The following IFFO1 variants were observed in gnomAD, a reference collection of about 807,000 sequenced individuals.
IFFO1 encodes the protein non-homologous end joining factor IFFO1.
In IFFO1, 42 loss-of-function variants were observed where a neutral mutation model predicts 59.6. The ratio of observed to expected loss-of-function variants is 0.70; its 90% CI spans 0.55 to 0.91. The LOEUF (loss-of-function observed/expected upper bound fraction) is 0.91. Ranked by LOEUF, IFFO1 falls within the 40% of genes least tolerant of loss-of-function variation. The probability of loss-of-function intolerance (pLI) is 0.00; values close to 1 mark genes in which losing one functional copy is unlikely to be tolerated. For synonymous variants in IFFO1, 336 were observed against 342.8 expected, an observed-to-expected ratio of 0.98 and a Z score of 0.22; for missense variants, 711 against 793.2, an observed-to-expected ratio of 0.90 and a Z score of 1.24.
Position 6,549,695 on chromosome 12 carries a change from G to A in IFFO1, c.1071+61C>T, listed in dbSNP as rs991592036. On this transcript the variant is annotated intron_variant, in intron 4 of 9. Transcript: ENST00000619571. The surrounding 1 kb of genome is among the most constrained non-coding windows in gnomAD (Gnocchi z 5.0). ...GCAGGGCCTGCGTTCCAGGCCAGCC[G>A]CCACGGAAGCATCCACCTGCCCCAC... 3.4e-5 allele frequency: 53 copies of A among 1,571,498 alleles called. No homozygotes were observed. Among genetic ancestry groups the A allele is most frequent in the African/African-American group, 1.2e-4 (9 of 74,182 alleles).
At position 6,548,561 on chromosome 12, in the gene IFFO1, C is replaced by A. The variant is rs1379807032; in HGVS notation, c.1263-16G>T. On this transcript the variant is annotated splice_polypyrimidine_tract_variant and intron_variant, in intron 6 of 9. Transcript: ENST00000619571. This position sits in a 1 kb window ranked among gnomAD's most constrained non-coding sequence, Gnocchi z 6.1. ...ATACTCCCTCCTAGAGACAGGGAAC[C>A]CGGGTGTCAGGGCGGGCGGGGCCTC... is the stretch of plus-strand genomic sequence containing the variant. The A allele has an allele frequency of 6.2e-7, 1 of 1,613,600 alleles. No homozygotes were observed. Among genetic ancestry groups the A allele is most frequent in the Non-Finnish European group, 8.5e-7 (1 of 1,179,652 alleles).
At chr12:6,552,821 A>G (rs1371528082) in intron 1 of IFFO1, among the ~76,000 whole-genome samples, 1 of 152,192 alleles carries the variant, frequency 6.6e-6, no homozygotes. Flanking sequence ...CTTTGGCCAG[A>G]CTTCACACAG....
chr12:6,554,404 T>C (rs946135489), intron 1 of IFFO1, among the ~76,000 whole-genome samples: 6 of 152,210 alleles, frequency 3.9e-5, no homozygotes, highest in Non-Finnish European at 7.4e-5. Flanking sequence ...TTATCAGCCA[T>C]CTAAGGAATC....
rs1456949066 is a variant in IFFO1, at chr12:6,549,947, AG to A, written c.931-52del. ...GAGGAGGCGCCCAGTTCTCCAGACAAGGACGAATTAGGCCTGGCAAGGTCCT... is the reference window on the plus strand; with the variant it reads ...GAGGAGGCGCCCAGTTCTCCAGACAAGACGAATTAGGCCTGGCAAGGTCCT... On this transcript the variant is annotated intron_variant, in intron 3 of 9. Transcript: ENST00000619571. The surrounding 1 kb of genome is among the most constrained non-coding windows in gnomAD (Gnocchi z 5.0). 4 of 1,571,832 alleles carry A rather than the reference AG, an allele frequency of 2.5e-6. No homozygotes were observed. In the African/African-American group the frequency reaches 5.4e-5, roughly 21 times the overall value.
In IFFO1 at chr12:6,548,497, C is replaced by T. The variant is rs1157016894; in HGVS notation, c.1311G>A (p.Glu437=). ...CCCAAAGCAGCAGGGTCTCCTCAGT[C>T]TCCTCCCAAGTCAGGCTGTCACAGT... ...EDDCDSLTWE[E]TEETLLLWED... is the part of the protein sequence containing the mutation. The change falls in exon 7 of 10, where the codon GAG becomes GAA. Residue 437 remains glutamate, a synonymous_variant. Transcript: ENST00000619571. The surrounding 1 kb of genome is among the most constrained non-coding windows in gnomAD (Gnocchi z 6.1). The T allele has an allele frequency of 1.2e-6, 2 of 1,613,944 alleles. No homozygotes were observed. The highest frequency in any genetic ancestry group is 1.3e-5 in the African/African-American group (1 of 74,926).
In IFFO1 at chr12:6,541,904, A is replaced by AT. The variant is rs1172115263; in HGVS notation, c.1480-263dup. ...TGCAGGCTGTGTTCTTTTAAGACTG[A>AT]TAAGAGTGGTGAGGAAAGTCAGTGT... On this transcript the variant is annotated intron_variant, in intron 8 of 9. Transcript: ENST00000619571. This position sits in a 1 kb window ranked among gnomAD's most constrained non-coding sequence, Gnocchi z 4.8. Among the ~76,000 whole-genome samples the AT allele has an allele frequency of 6.6e-6, 1 of 152,200 alleles. No individual in the cohort carries two copies. Among genetic ancestry groups the AT allele is most frequent in the Admixed American group, 6.5e-5 (1 of 15,288 alleles).
Position 6,548,045 on chromosome 12 carries a change from G to A in IFFO1, c.1479+20C>T. 1 of 1,592,710 alleles carries A rather than the reference G, an allele frequency of 6.3e-7. No homozygotes were observed. Among genetic ancestry groups the A allele is most frequent in the South Asian group, 1.1e-5 (1 of 90,608 alleles). On this transcript the variant is annotated intron_variant, in intron 8 of 9. Transcript: ENST00000619571. This position sits in a 1 kb window ranked among gnomAD's most constrained non-coding sequence, Gnocchi z 6.1. Reference sequence around the variant, plus strand: ...AACCCTCTGGGACACCACGCCCCTGGCTTCCGCTCCTGCCCTTACCTCTAT... The same window carrying A: ...AACCCTCTGGGACACCACGCCCCTGACTTCCGCTCCTGCCCTTACCTCTAT...
At chr12:6,550,399 G>A (rs748785524) in intron 3 of IFFO1, 92 of 507,556 alleles carry the variant, frequency 1.8e-4, no homozygotes, top group Non-Finnish European at 2.8e-4. Context: ...CTCAGAGGCT[G>A]AGGAATCGGC....
At chr12:6,543,251 C>T (rs570505950) in intron 8 of IFFO1, among the ~76,000 whole-genome samples, 55 of 152,284 alleles carry the variant, frequency 3.6e-4, no homozygotes, top group African/African-American at 9.6e-4. Context: ...GTCCTCCTAA[C>T]GGTTCCCCTA....
chr12:6,553,605 GAAA>G (rs894412869), intron 1 of IFFO1, among the ~76,000 whole-genome samples: 1 of 141,498 alleles, frequency 7.1e-6, no homozygotes, highest in Non-Finnish European at 1.6e-5. Flanking sequence ...AACGCAAAAA[GAAA>G]AAAAAAAAAT....
At chr12:6,547,392 AAAAGAAAG>A (rs138452442) in intron 8 of IFFO1, among the ~76,000 whole-genome samples, 54 of 150,848 alleles carry the variant, frequency 3.6e-4, no homozygotes, top group South Asian at 6.3e-4. Flanking sequence ...CTGTCTCAAA[AAAAGAAAG>A]AAAGAAAGAA....
rs771538721 is a variant in IFFO1, at chr12:6,555,231, A to C, written c.773+26T>G. The stretch of plus-strand genomic sequence containing the variant: ...GTTGTGAGTGGTATGACACAGAGAG[A>C]CCTGTCCCCCTTTCCCAATCCCTAC... On this transcript the variant is annotated intron_variant, in intron 1 of 9. Transcript: ENST00000619571. This position sits in a 1 kb window ranked among gnomAD's most constrained non-coding sequence, Gnocchi z 8.6. 18 of 1,610,246 alleles carry C rather than the reference A, an allele frequency of 1.1e-5. No individual in the cohort carries two copies. Among genetic ancestry groups the C allele is most frequent in the Admixed American group, 1.7e-5 (1 of 59,960 alleles).
chr12:6,554,084 G>GA (rs60129433), intron 1 of IFFO1, among the ~76,000 whole-genome samples: 21,819 of 143,332 alleles, frequency 0.15, 1,723 homozygotes, highest in African/African-American at 0.2. Flanking sequence ...TCATTTATGG[G>GA]AAAAAAAAAA....
chr12:6,550,256 G>T, intron 3 of IFFO1: 1 of 328,386 alleles, frequency 3.0e-6, no homozygotes, highest in Non-Finnish European at 5.7e-6. Flanking sequence ...AGTGGAGAAA[G>T]GACTATAATA....
intron 8 of IFFO1, among the ~76,000 whole-genome samples, chr12:6,545,864 ATTTTTACTTCATAATGGCCC>A (rs1946939188): frequency 1.3e-5 from 2 of 152,160 alleles, no homozygotes; most frequent in Non-Finnish European, 2.9e-5. Context: ...AGGAACCCTT[ATTTTTACTTCATAATGGCCC>A]CAAAGCACAA....
At position 6,541,021 on chromosome 12, in the gene IFFO1, CAAAA is replaced by C. The variant is rs34135055; in HGVS notation, c.1611-437_1611-434del. Among the ~76,000 whole-genome samples the C allele has an allele frequency of 4.5e-5, 6 of 133,102 alleles. No individual in the cohort carries two copies. The highest frequency in any genetic ancestry group is 1.1e-4 in the African/African-American group (4 of 35,924). 87.3% of individuals were successfully genotyped at this position (133,102 alleles called of 152,430 possible). A position where few individuals can be genotyped will look rare whatever the true frequency, so the allele number is the denominator to read the frequency against. On this transcript the variant is annotated intron_variant, in intron 9 of 9. Transcript: ENST00000619571. This position sits in a 1 kb window ranked among gnomAD's most constrained non-coding sequence, Gnocchi z 4.8. ...CTGGGAGGCGGAGGTTGTAGTGAGC[CAAAA>C]AAAAAAAAAAAAGAAATAGCTGAAG...
At position 6,548,241 on chromosome 12, in the gene IFFO1, G is replaced by A. The variant is rs917465164; in HGVS notation, c.1384-81C>T. The A allele has an allele frequency of 5.1e-6, 7 of 1,366,250 alleles. No individual in the cohort carries two copies. The African/African-American group carries it at 8.6e-5, about 17-fold the overall frequency. 84.6% of individuals were successfully genotyped at this position (1,366,250 alleles called of 1,614,324 possible). A position where few individuals can be genotyped will look rare whatever the true frequency, so the allele number is the denominator to read the frequency against. ...ATTCCAAAGGGCCAAGTCAGGGAGAGAGAGAGAGAGGAAGTCTGGTTAAAG... is the reference window on the plus strand; with the variant it reads ...ATTCCAAAGGGCCAAGTCAGGGAGAAAGAGAGAGAGGAAGTCTGGTTAAAG... On this transcript the variant is annotated intron_variant, in intron 7 of 9. Coordinates refer to ENST00000619571, the MANE Select transcript of IFFO1 (RefSeq NM_001193457.2). The surrounding 1 kb of genome is among the most constrained non-coding windows in gnomAD (Gnocchi z 6.1).
rs748635182 is a variant in IFFO1, at chr12:6,549,514, G to A, written c.1072-30C>T. ...GGAGGAAGCAAGAGAGAAGATGAGA[G>A]GAAGAGAGGAGAGGAAGCAGACAGA... is the stretch of plus-strand genomic sequence containing the variant. On this transcript the variant is annotated intron_variant, in intron 4 of 9. Coordinates refer to ENST00000619571, the MANE Select transcript of IFFO1 (RefSeq NM_001193457.2). This position sits in a 1 kb window ranked among gnomAD's most constrained non-coding sequence, Gnocchi z 5.0. 3 of 1,590,336 alleles carry A rather than the reference G, an allele frequency of 1.9e-6. No homozygotes were observed. The highest frequency in any genetic ancestry group is 2.6e-6 in the Non-Finnish European group (3 of 1,158,496).
At chr12:6,547,749 G>A (rs780487087) in intron 8 of IFFO1, among the ~76,000 whole-genome samples, 1 of 150,444 alleles carries the variant, frequency 6.6e-6, no homozygotes, top group Non-Finnish European at 1.5e-5. Context: ...AAGAGAGAGA[G>A]AGAGAGAAAG....
Sources: allele counts gnomAD v4.1 joint callset (sites outside exome capture counted in the v4.1 genomes callset), GRCh38; gene constraint gnomAD v4.1.1; non-coding constraint Gnocchi (gnomAD v3.1); transcripts MANE v1.5; gene names NCBI Gene and HGNC (gene_info 2026-07-23, HGNC 2026-07-21).